CSMD1: variants seen among roughly 807,000 people sequenced by gnomAD.
CSMD1 encodes the protein CUB and sushi domain-containing protein 1.
A neutral mutation model predicts 417.5 loss-of-function variants in CSMD1; 213 were observed. The ratio of observed to expected loss-of-function variants is 0.51; its 90% CI spans 0.46 to 0.57. CSMD1 has a LOEUF of 0.57. Ranked by LOEUF, CSMD1 falls within the 20% of genes least tolerant of loss-of-function variation. The pLI, the probability that CSMD1 is intolerant of heterozygous loss-of-function variation, is 0.00. For synonymous variants in CSMD1, 2,862 were observed against 1,736.8 expected, an observed-to-expected ratio of 1.65 and a Z score of -16.11; for missense variants, 6,923 against 4,529.7, an observed-to-expected ratio of 1.53 and a Z score of -15.17.
At chr8:4,093,850 A>G (rs1015898376) in intron 3 of CSMD1, among the ~76,000 whole-genome samples, 1 of 152,040 alleles carries the variant, frequency 6.6e-6, no homozygotes, top group Non-Finnish European at 1.5e-5. Context: ...AATCCCAGCA[A>G]TCGGGAGGCT....
intron 1 of CSMD1, among the ~76,000 whole-genome samples, chr8:4,761,294 G>C (rs915060302): frequency 6.6e-6 from 1 of 151,854 alleles, no homozygotes; most frequent in Non-Finnish European, 1.5e-5. Context: ...AAATGCACAA[G>C]GGATTTTGAA....
chr8:3,705,760 C>T (rs1563292129), intron 7 of CSMD1, among the ~76,000 whole-genome samples: 1 of 152,114 alleles, frequency 6.6e-6, no homozygotes. Context: ...GATCTAATCT[C>T]TAGAATCTCA....
chr8:3,772,927 T>C (rs1171352719), intron 5 of CSMD1, among the ~76,000 whole-genome samples: 1 of 152,076 alleles, frequency 6.6e-6, no homozygotes, highest in South Asian at 2.1e-4. Flanking sequence ...TGTTTATGGC[T>C]CACAGTTCTG....
chr8:3,807,685 T>G (rs1800824957), intron 5 of CSMD1, among the ~76,000 whole-genome samples: 1 of 152,176 alleles, frequency 6.6e-6, no homozygotes, highest in Non-Finnish European at 1.5e-5. Context: ...ATAATTAAGT[T>G]TTGGCTTTTC....
At chr8:4,987,090 G>C (rs948083524) in intron 1 of CSMD1, among the ~76,000 whole-genome samples, 7 of 152,026 alleles carry the variant, frequency 4.6e-5, no homozygotes, top group African/African-American at 1.7e-4. Flanking sequence ...TTACTACCTA[G>C]CACCCAATGT....
At chr8:3,931,330 C>A (rs532552322) in intron 5 of CSMD1, among the ~76,000 whole-genome samples, 4 of 150,340 alleles carry the variant, frequency 2.7e-5, no homozygotes, top group Non-Finnish European at 5.9e-5. Flanking sequence ...TAGAAGTCAG[C>A]AGAAAAGGGC....
At chr8:3,589,935 T>C (rs552678078) in intron 8 of CSMD1, among the ~76,000 whole-genome samples, 99 of 137,588 alleles carry the variant, frequency 7.2e-4, no homozygotes, top group African/African-American at 2.7e-3. Context: ...TGGCAATATA[T>C]GTTTATCATC....
Position 3,474,229 on chromosome 8 carries a change from A to G in CSMD1, c.1449-5405T>C, listed in dbSNP as rs546683950. Among the ~76,000 whole-genome samples the G allele has an allele frequency of 5.1e-4, 78 of 152,286 alleles. 2 individuals carry two copies. In the South Asian group the frequency reaches 8.1e-3, roughly 16 times the overall value. ...TGGCATTAGCTAATGAGCTGGTTGG[A>G]AAAGGAATGAATGAATGAATATAAA... is the stretch of plus-strand genomic sequence containing the variant. On this transcript the variant is annotated intron_variant, in intron 11 of 69. Coordinates refer to ENST00000635120, the MANE Select transcript of CSMD1 (RefSeq NM_033225.6).
intron 1 of CSMD1, among the ~76,000 whole-genome samples, chr8:4,923,321 G>A (rs149611475): frequency 4.2e-4 from 64 of 152,066 alleles, no homozygotes; most frequent in African/African-American, 1.4e-3. Context: ...CTTTCGTATT[G>A]GTTAGGAGCA....
At chr8:4,234,437 C>G (rs1461471660) in intron 3 of CSMD1, among the ~76,000 whole-genome samples, 1 of 152,110 alleles carries the variant, frequency 6.6e-6, no homozygotes, top group Admixed American at 6.5e-5. Flanking sequence ...ACTACCTTTG[C>G]TACCAAGACG....
intron 3 of CSMD1, among the ~76,000 whole-genome samples, chr8:4,048,065 T>C (rs533923254): frequency 6.6e-6 from 1 of 152,168 alleles, no homozygotes; most frequent in Non-Finnish European, 1.5e-5. Flanking sequence ...CTTTTCCAAA[T>C]ATTTTGTGCA....
intron 12 of CSMD1, among the ~76,000 whole-genome samples, chr8:3,422,199 C>T (rs182554788): frequency 6.6e-6 from 1 of 152,262 alleles, no homozygotes; most frequent in East Asian, 1.9e-4. Flanking sequence ...CTTGTTGCCT[C>T]TCACCATGAA....
At chr8:4,050,388 A>G (rs796481563) in intron 3 of CSMD1, among the ~76,000 whole-genome samples, 1 of 151,726 alleles carries the variant, frequency 6.6e-6, no homozygotes, top group Non-Finnish European at 1.5e-5. Context: ...AAACTTTTTT[A>G]ATTTTTAATT....
chr8:4,528,536 C>T (rs962900740), intron 2 of CSMD1, among the ~76,000 whole-genome samples: 5 of 152,128 alleles, frequency 3.3e-5, no homozygotes, highest in African/African-American at 1.2e-4. Flanking sequence ...TTGCTGTGTA[C>T]TTACATTTGC....
intron 6 of CSMD1, among the ~76,000 whole-genome samples, chr8:3,749,785 T>C (rs1797239738): frequency 6.6e-6 from 1 of 152,114 alleles, no homozygotes; most frequent in Admixed American, 6.6e-5. Flanking sequence ...TCGTTACATG[T>C]AGAGGTAGTT....
At chr8:3,899,588 A>G (rs1224224617) in intron 5 of CSMD1, among the ~76,000 whole-genome samples, 1 of 152,216 alleles carries the variant, frequency 6.6e-6, no homozygotes, top group Non-Finnish European at 1.5e-5. Flanking sequence ...TCTGTTTCTC[A>G]AGGATCAATA....
intron 3 of CSMD1, among the ~76,000 whole-genome samples, chr8:4,308,162 A>G (rs1169506394): frequency 6.6e-6 from 1 of 152,180 alleles, no homozygotes; most frequent in Non-Finnish European, 1.5e-5. Context: ...GTTTCTTCGA[A>G]TGTTCCTCAA....
intron 3 of CSMD1, among the ~76,000 whole-genome samples, chr8:4,304,680 T>C (rs1342143225): frequency 1.3e-5 from 2 of 152,112 alleles, no homozygotes; most frequent in African/African-American, 4.8e-5. Context: ...CAAGGAAACA[T>C]CTCCAGTTTG....
At chr8:4,125,677 C>T (rs1003735065) in intron 3 of CSMD1, among the ~76,000 whole-genome samples, 31 of 152,252 alleles carry the variant, frequency 2.0e-4, no homozygotes, top group African/African-American at 7.5e-4. Context: ...TTAAGTTGTC[C>T]TTGTTCATTC....
Sources: allele counts gnomAD v4.1 joint callset (sites outside exome capture counted in the v4.1 genomes callset), GRCh38; gene constraint gnomAD v4.1.1; transcripts MANE v1.5; gene names NCBI Gene and HGNC (gene_info 2026-07-23, HGNC 2026-07-21).